Variants in TMIE observed in about 807,000 individuals in gnomAD.
The protein encoded by TMIE is transmembrane inner ear.
Under a neutral mutation model 16.8 loss-of-function variants are expected in TMIE, and 14 were observed. The ratio of observed to expected loss-of-function variants is 0.83; its 90% confidence interval spans 0.55 to 1.30. TMIE has a LOEUF of 1.30. Among genes scored for constraint, TMIE ranks in the 50% most tolerant of loss-of-function variants. The pLI is 0.00. For missense variants in TMIE, 204 were observed against 205.9 expected (o/e 0.99, Z 0.06); for synonymous variants, 75 against 87.2 (o/e 0.86, Z 0.78).
chr3:46,708,856 C>T (rs887833801), intron 2 of TMIE, among the ~76,000 whole-genome samples: 1 of 152,256 alleles, frequency 6.6e-6, no homozygotes, highest in African/African-American at 2.4e-5. Context: ...GTCAGAAAGA[C>T]CCTCAGGACC....
intron 1 of TMIE, among the ~76,000 whole-genome samples, chr3:46,702,435 C>A (rs562480653): frequency 6.6e-6 from 1 of 152,096 alleles, no homozygotes; most frequent in Non-Finnish European, 1.5e-5. Flanking sequence ...CCTTGTACCC[C>A]ACTCCTGCGG....
upstream of TMIE, among the ~76,000 whole-genome samples, chr3:46,699,667 G>A (rs1271514545): frequency 2.0e-5 from 3 of 152,162 alleles, no homozygotes; most frequent in Non-Finnish European, 4.4e-5. Flanking sequence ...AGGGAACACC[G>A]GGGGACACAT....
upstream of TMIE, chr3:46,701,296 A>AGGGGGCGGGCCCTCCACCGCAGCGATGGC (rs1700470376): frequency 1.2e-5 from 5 of 414,938 alleles, no homozygotes; most frequent in Non-Finnish European, 2.1e-5. This position sits in a 1 kb window ranked among gnomAD's most constrained non-coding sequence, Gnocchi z 4.3. Flanking sequence ...CCCGGGAAGG[A>AGGGGGCGGGCCCTCCACCGCAGCGATGGC]GGGGGCGGGC....
Position 46,709,879 on chromosome 3 carries a change from C to A in TMIE, c.*191C>A. 3 of 1,223,258 alleles carry A rather than the reference C, an allele frequency of 2.5e-6. No individual in the cohort carries two copies. Among genetic ancestry groups the A allele is most frequent in the Non-Finnish European group, 3.4e-6 (3 of 881,794 alleles). 75.8% of individuals were successfully genotyped at this position (1,223,258 alleles called of 1,614,324 possible). On this transcript the variant is annotated 3_prime_UTR_variant, in exon 4 of 4. Transcript: ENST00000643606. ...ACAATCTCGTAGGTGTCCTGCCCCCCAGCCTAGGCTTGGCTCCTTTCACCC... is the reference window on the plus strand; with the variant it reads ...ACAATCTCGTAGGTGTCCTGCCCCCAAGCCTAGGCTTGGCTCCTTTCACCC...
chr3:46,701,242 A>T, upstream of TMIE: 2 of 298,140 alleles, frequency 6.7e-6, no homozygotes, highest in Non-Finnish European at 6.2e-6. This position sits in a 1 kb window ranked among gnomAD's most constrained non-coding sequence, Gnocchi z 4.3. Context: ...GTCCCTGGGG[A>T]TGCGGAAGGT....
chr3:46,701,404 C>A lies in TMIE; in HGVS notation c.-84C>A. ...GACTACCCGTGGCCAAAGCCCGTGG[C>A]CACCGAGCGCCGGCTGGCAGGGGCA... is the stretch of plus-strand genomic sequence containing the variant. On this transcript the variant is annotated 5_prime_UTR_variant, in exon 1 of 4. Coordinates refer to ENST00000643606, the MANE Select transcript of TMIE (RefSeq NM_147196.3). The surrounding 1 kb of genome is among the most constrained non-coding windows in gnomAD (Gnocchi z 4.3). 8.5e-7 allele frequency: 1 copy of A among 1,171,674 alleles called. No homozygotes were observed. The highest frequency in any genetic ancestry group is 1.6e-5 in the African/African-American group (1 of 61,900). 72.6% of individuals were successfully genotyped at this position (1,171,674 alleles called of 1,614,324 possible).
At chr3:46,699,812 G>T (rs1467554515), upstream of TMIE, among the ~76,000 whole-genome samples, 2 of 152,218 alleles carry the variant, frequency 1.3e-5, no homozygotes, top group East Asian at 1.9e-4. Context: ...GCAGAGCACT[G>T]CCTGTCCTGC....
In TMIE at chr3:46,701,861, C is replaced by T. The variant is rs1488553741; in HGVS notation, c.93+281C>T. Among the ~76,000 whole-genome samples the T allele has an allele frequency of 2.6e-5, 4 of 152,052 alleles. No individual in the cohort carries two copies. Among genetic ancestry groups the T allele is most frequent in the Non-Finnish European group, 5.9e-5 (4 of 67,994 alleles). ...TCACCTTGACCTTAGGGATTCCCAGCCTGACTTGGGGACACAGCCCTGCCC... is the reference window on the plus strand; with the variant it reads ...TCACCTTGACCTTAGGGATTCCCAGTCTGACTTGGGGACACAGCCCTGCCC... On this transcript the variant is annotated intron_variant, in intron 1 of 3. Transcript: ENST00000643606. This position sits in a 1 kb window ranked among gnomAD's most constrained non-coding sequence, Gnocchi z 4.3.
intron 2 of TMIE, 106 bp downstream of exon 2, chr3:46,706,013 AG>A: frequency 8.6e-7 from 1 of 1,164,844 alleles, no homozygotes; most frequent in Non-Finnish European, 1.3e-6. Flanking sequence ...CAAGTAGGCC[AG>A]GCACCCGCAG....
chr3:46,703,477 G>A (rs1700503471), intron 1 of TMIE, among the ~76,000 whole-genome samples: 1 of 152,086 alleles, frequency 6.6e-6, no homozygotes, highest in African/African-American at 2.4e-5. Flanking sequence ...CCACCATCAG[G>A]GCCCTAACCC....
At chr3:46,707,850 G>A (rs1292099433) in intron 2 of TMIE, among the ~76,000 whole-genome samples, 2 of 152,220 alleles carry the variant, frequency 1.3e-5, no homozygotes, top group East Asian at 3.9e-4. Context: ...GAGGTTCCTG[G>A]TGGGGTGGCT....
intron 2 of TMIE, among the ~76,000 whole-genome samples, chr3:46,706,543 G>T (rs368026922): frequency 6.6e-6 from 1 of 152,196 alleles, no homozygotes. Flanking sequence ...GAGGCCAAGT[G>T]GGGAGGCTGC....
upstream of TMIE, among the ~76,000 whole-genome samples, chr3:46,697,892 C>T (rs367928592): frequency 2.6e-5 from 4 of 151,946 alleles, no homozygotes; most frequent in South Asian, 2.1e-4. Flanking sequence ...TGTTGGTGTA[C>T]GAGCAGAGGA....
upstream of TMIE, among the ~76,000 whole-genome samples, chr3:46,697,118 TG>T (rs934034771): frequency 7.7e-6 from 1 of 129,722 alleles, no homozygotes; most frequent in South Asian, 2.3e-4. Context: ...CCCTCAAAGA[TG>T]GGGGAAAAAA....
chr3:46,697,700 C>G (rs1369466944), upstream of TMIE, among the ~76,000 whole-genome samples: 2 of 151,910 alleles, frequency 1.3e-5, no homozygotes, highest in Non-Finnish European at 2.9e-5. Flanking sequence ...CAACTGGTGT[C>G]TTGGGGCTGG....
rs1020229475 is a variant in TMIE at position 46,710,267 on chromosome 3, A to G, written c.*579A>G. ...CAAGGGAGTAAGTAGAGGTGGCTTC[A>G]GAAATGGAACCCCCAGCCCAGCAGA... On this transcript the variant is annotated 3_prime_UTR_variant, in exon 4 of 4. Transcript: ENST00000643606. 5.6e-6 allele frequency: 1 copy of G among 177,898 alleles called. No homozygotes were observed. Among genetic ancestry groups the G allele is most frequent in the Admixed American group, 5.4e-5 (1 of 18,430 alleles). The allele number at this position is 177,898 out of a possible 1,614,324, so 11.0% of individuals were successfully genotyped here. A position where few individuals can be genotyped will look rare whatever the true frequency, so the allele number is the denominator to read the frequency against.
At chr3:46,709,013 C>A in intron 2 of TMIE, 113 bp from the exon 3 acceptor site, 1 of 1,390,554 alleles carries the variant, frequency 7.2e-7, no homozygotes, top group Non-Finnish European at 1.0e-6. Flanking sequence ...CTGCCAGGGT[C>A]TGGTGGGTGA....
intron 1 of TMIE, among the ~76,000 whole-genome samples, chr3:46,695,407 C>A (rs1333731457): frequency 1.3e-5 from 2 of 152,160 alleles, no homozygotes; most frequent in African/African-American, 4.8e-5. Flanking sequence ...AAATATCTTA[C>A]CTGCGCCTCC....
intron 2 of TMIE, 120 bp from the exon 3 acceptor site, chr3:46,709,006 C>A: frequency 7.5e-7 from 1 of 1,338,088 alleles, no homozygotes; most frequent in Non-Finnish European, 1.1e-6. Flanking sequence ...GAGCCTCCTG[C>A]CAGGGTCTGG....
Sources: gnomAD v4.1 joint callset for allele counts (sites outside exome capture counted in the v4.1 genomes callset) on GRCh38, gnomAD v4.1.1 for gene constraint, Gnocchi (gnomAD v3.1) non-coding constraint, MANE v1.5 for transcripts, NCBI Gene and HGNC (gene_info 2026-07-23, HGNC 2026-07-21) for gene names.